Variants in ST3GAL3 observed in about 807,000 individuals in gnomAD.
ST3GAL3 encodes the protein ST3 beta-galactoside alpha-2,3-sialyltransferase 3.
ST3GAL3 carries 21 observed loss-of-function variants against 50.1 expected under a neutral mutation model. The ratio of observed to expected loss-of-function variants is 0.42; its 90% CI spans 0.30 to 0.60. The LOEUF (loss-of-function observed/expected upper bound fraction) is 0.60, where lower values mean the gene tolerates loss of function less well. ST3GAL3 is among the 20% of genes least tolerant of loss of function. The pLI, the probability that ST3GAL3 is intolerant of heterozygous loss-of-function variation, is 0.19. For missense variants in ST3GAL3, 353 were observed against 489.4 expected (o/e 0.72, Z 2.63); for synonymous variants, 183 against 190.0 (o/e 0.96, Z 0.30).
intron 11 of ST3GAL3, among the ~76,000 whole-genome samples, chr1:43,927,854 A>AG (rs2084281339): frequency 6.6e-6 from 1 of 152,174 alleles, no homozygotes; most frequent in African/African-American, 2.4e-5. Flanking sequence ...ACGGGGTGTA[A>AG]GGAAGACGCT....
At chr1:43,895,476 A>G (rs1179115117) in intron 6 of ST3GAL3, among the ~76,000 whole-genome samples, 1 of 152,196 alleles carries the variant, frequency 6.6e-6, no homozygotes, top group African/African-American at 2.4e-5. Context: ...CTGCCTCTTT[A>G]CTAGCTGTGA....
intron 2 of ST3GAL3, among the ~76,000 whole-genome samples, chr1:43,760,450 A>G (rs1351204544): frequency 6.6e-6 from 1 of 152,236 alleles, no homozygotes; most frequent in Non-Finnish European, 1.5e-5. Flanking sequence ...TTACAGAATC[A>G]TGCATGGATA....
rs751252385 is a variant in ST3GAL3 at position 43,899,220 on chromosome 1, A to C, written c.514A>C (p.Lys172Gln). The change falls in exon 8 of 12, where the codon AAG becomes CAG. Residue 172 changes from lysine to glutamine, a missense_variant. Physicochemically the swap from Lys to Gln is moderately conservative, Grantham distance 53. Coordinates refer to ENST00000347631, the MANE Select transcript of ST3GAL3 (RefSeq NM_006279.5). The surrounding 1 kb of genome is among the most constrained non-coding windows in gnomAD (Gnocchi z 5.4). Reference protein sequence around the residue: ...IVGNGGVLANKSLGSRIDDYD... With the variant: ...IVGNGGVLANQSLGSRIDDYD... ...GGGCAATGGAGGCGTTCTTGCCAACAAGTCTCTGGGGTCACGAATTGACGA... is the reference window on the plus strand; with the variant it reads ...GGGCAATGGAGGCGTTCTTGCCAACCAGTCTCTGGGGTCACGAATTGACGA... The C allele has an allele frequency of 6.2e-7, 1 of 1,614,040 alleles. No homozygotes were observed. Among genetic ancestry groups the C allele is most frequent in the Non-Finnish European group, 8.5e-7 (1 of 1,180,000 alleles).
At chr1:43,764,278 AAC>A (rs1476181715) in intron 2 of ST3GAL3, among the ~76,000 whole-genome samples, 1 of 152,192 alleles carries the variant, frequency 6.6e-6, no homozygotes, top group Non-Finnish European at 1.5e-5. Context: ...CTTTCTTATA[AAC>A]AGTCTTTTAA....
intron 9 of ST3GAL3, among the ~76,000 whole-genome samples, chr1:43,903,305 G>A (rs1217965201): frequency 6.6e-6 from 1 of 152,172 alleles, no homozygotes; most frequent in African/African-American, 2.4e-5. Context: ...GTCTGGAGAG[G>A]ACAGGACATG....
At chr1:43,781,283 G>A (rs1358490420) in intron 2 of ST3GAL3, among the ~76,000 whole-genome samples, 3 of 152,126 alleles carry the variant, frequency 2.0e-5, no homozygotes, top group Non-Finnish European at 4.4e-5. Flanking sequence ...CCCACAGCTT[G>A]TTTTTGTGTG....
At chr1:43,818,386 A>G (rs1348160580) in intron 4 of ST3GAL3, among the ~76,000 whole-genome samples, 2 of 152,226 alleles carry the variant, frequency 1.3e-5, no homozygotes, top group Non-Finnish European at 2.9e-5. Context: ...CAGGTGATCC[A>G]GGGAACCTCA....
At chr1:43,782,130 C>A (rs187972994) in intron 2 of ST3GAL3, among the ~76,000 whole-genome samples, 1 of 152,286 alleles carries the variant, frequency 6.6e-6, no homozygotes, top group Non-Finnish European at 1.5e-5. Flanking sequence ...GCTTTCCACA[C>A]CTTATCTTCT....
chr1:43,852,892 A>G (rs552969552), intron 5 of ST3GAL3, among the ~76,000 whole-genome samples: 6 of 152,182 alleles, frequency 3.9e-5, no homozygotes, highest in African/African-American at 1.2e-4. Context: ...AATGTTAGAC[A>G]CTTAATTAAG....
chr1:43,752,227 T>C (rs1029517441), intron 2 of ST3GAL3, among the ~76,000 whole-genome samples: 39 of 152,208 alleles, frequency 2.6e-4, no homozygotes, highest in African/African-American at 8.9e-4. Context: ...TTTCCACATT[T>C]TACAGGTAAG....
chr1:43,722,066 T>G (rs562749667), intron 1 of ST3GAL3, among the ~76,000 whole-genome samples: 1 of 152,292 alleles, frequency 6.6e-6, no homozygotes, highest in East Asian at 1.9e-4. Flanking sequence ...ACTTAGAAAA[T>G]TATAAGTGCA....
intron 5 of ST3GAL3, among the ~76,000 whole-genome samples, chr1:43,866,588 TAAA>T (rs368612359): frequency 7.7e-6 from 1 of 129,150 alleles, no homozygotes; most frequent in Non-Finnish European, 1.7e-5. Context: ...TGTCTCAAGG[TAAA>T]AAAAAAAAAA....
chr1:43,927,734 T>C (rs1330404567), intron 11 of ST3GAL3, among the ~76,000 whole-genome samples: 8 of 152,186 alleles, frequency 5.3e-5, no homozygotes. Flanking sequence ...CTTCAAAGAA[T>C]GGGGATGAGT....
chr1:43,930,176 G>A lies in ST3GAL3; in HGVS notation c.1083G>A (p.Lys361=), dbSNP rs2084832147. The A allele has an allele frequency of 1.2e-6, 2 of 1,614,140 alleles. No homozygotes were observed. The highest frequency in any genetic ancestry group is 4.5e-5 in the East Asian group (2 of 44,884). ...AGCGAGAGAAAGAGTTTCTGCGGAA[G>A]CTGGTGAAAGCTCGCGTCATCACTG... The part of the protein sequence containing the change: ...NIQREKEFLR[K]LVKARVITDL... Residue 361 remains lysine, a synonymous_variant, in exon 12 of 12, where the codon AAG becomes AAA. Coordinates refer to ENST00000347631, the MANE Select transcript of ST3GAL3 (RefSeq NM_006279.5).
At chr1:43,845,991 T>G (rs1039120157) in intron 5 of ST3GAL3, among the ~76,000 whole-genome samples, 5 of 152,228 alleles carry the variant, frequency 3.3e-5, no homozygotes, top group Non-Finnish European at 5.9e-5. Flanking sequence ...TTTGCTGTGC[T>G]CCAAATATAC....
At chr1:43,743,376 G>T (rs983129794) in intron 2 of ST3GAL3, 2 of 240,228 alleles carry the variant, frequency 8.3e-6, no homozygotes, top group Non-Finnish European at 1.6e-5. Flanking sequence ...AGCTCATTTG[G>T]TGTGGACATG....
intron 1 of ST3GAL3, among the ~76,000 whole-genome samples, chr1:43,732,420 T>C (rs1354813247): frequency 1.3e-5 from 2 of 152,232 alleles, no homozygotes; most frequent in Non-Finnish European, 2.9e-5. Flanking sequence ...GTAGGGTGGC[T>C]TCTCTTCTCC....
intron 5 of ST3GAL3, among the ~76,000 whole-genome samples, chr1:43,849,060 G>C (rs2066800864): frequency 6.6e-6 from 1 of 152,026 alleles, no homozygotes; most frequent in Non-Finnish European, 1.5e-5. Context: ...TGAACATTTT[G>C]AGAGTTATTG....
intron 4 of ST3GAL3, among the ~76,000 whole-genome samples, chr1:43,817,311 A>G (rs569968541): frequency 5.3e-5 from 8 of 152,182 alleles, no homozygotes; most frequent in Non-Finnish European, 8.8e-5. Context: ...GGATTCATTT[A>G]GCTTGCTGCT....
Sources: gnomAD v4.1 joint callset for allele counts (sites outside exome capture counted in the v4.1 genomes callset) on GRCh38, gnomAD v4.1.1 for gene constraint, Gnocchi (gnomAD v3.1) non-coding constraint, MANE v1.5 for transcripts, NCBI Gene and HGNC (gene_info 2026-07-23, HGNC 2026-07-21) for gene names.